DRC11: variants seen among roughly 807,000 people sequenced by gnomAD.
The protein encoded by DRC11 is IQ and AAA domain-containing protein 1.
the DRC11 span, among the ~76,000 whole-genome samples, chr2:236,466,309 T>C: frequency 6.6e-6 from 1 of 152,204 alleles, no homozygotes; most frequent in African/African-American, 2.4e-5. Context: ...TGTGTTCACT[T>C]TTCTTCCCAC....
At chr2:236,403,906 C>T in the DRC11 span, among the ~76,000 whole-genome samples, 2 of 152,060 alleles carry the variant, frequency 1.3e-5, no homozygotes, top group South Asian at 2.1e-4. Flanking sequence ...CCTCTTCCCC[C>T]GATGCCTTTT....
the DRC11 span, among the ~76,000 whole-genome samples, chr2:236,479,766 C>T: frequency 3.3e-5 from 5 of 152,168 alleles, no homozygotes; most frequent in Non-Finnish European, 7.3e-5. This position sits in a 1 kb window ranked among gnomAD's most constrained non-coding sequence, Gnocchi z 4.1. Context: ...GTGGATTACA[C>T]ACCACAATTA....
the DRC11 span, chr2:236,391,857 C>A: frequency 2.6e-6 from 2 of 767,666 alleles, no homozygotes; most frequent in Non-Finnish European, 4.5e-6. The surrounding 1 kb of genome is among the most constrained non-coding windows in gnomAD (Gnocchi z 4.5). Context: ...AGGCATGTTT[C>A]CCCGTGAGGT....
chr2:236,498,194 G>A, the DRC11 span, among the ~76,000 whole-genome samples: 1 of 151,732 alleles, frequency 6.6e-6, no homozygotes, highest in Non-Finnish European at 1.5e-5. Context: ...CAGGCCAGGC[G>A]TGGTGGCTCT....
chr2:236,315,668 T>C, the DRC11 span, among the ~76,000 whole-genome samples: 1 of 152,180 alleles, frequency 6.6e-6, no homozygotes, highest in Non-Finnish European at 1.5e-5. This position sits in a 1 kb window ranked among gnomAD's most constrained non-coding sequence, Gnocchi z 5.1. Context: ...GAATACCATG[T>C]AGCCATAAAA....
At chr2:236,350,975 G>A in the DRC11 span, among the ~76,000 whole-genome samples, 4 of 152,206 alleles carry the variant, frequency 2.6e-5, no homozygotes, top group African/African-American at 9.7e-5. This position sits in a 1 kb window ranked among gnomAD's most constrained non-coding sequence, Gnocchi z 5.2. Context: ...GAAAGGGACA[G>A]AGGCTGCTTC....
chr2:236,453,216 A>G, the DRC11 span, among the ~76,000 whole-genome samples: 7 of 152,240 alleles, frequency 4.6e-5, no homozygotes, highest in African/African-American at 1.4e-4. The surrounding 1 kb of genome is among the most constrained non-coding windows in gnomAD (Gnocchi z 4.9). Context: ...TCAGTCATTT[A>G]CATTTGAATT....
the DRC11 span, chr2:236,507,199 C>G: frequency 6.3e-7 from 1 of 1,581,440 alleles, no homozygotes; most frequent in Non-Finnish European, 8.7e-7. Flanking sequence ...AGAAAGCAAG[C>G]CACCTTCTGG....
the DRC11 span, among the ~76,000 whole-genome samples, chr2:236,348,984 A>T: frequency 6.6e-6 from 1 of 152,068 alleles, no homozygotes; most frequent in African/African-American, 2.4e-5. This position sits in a 1 kb window ranked among gnomAD's most constrained non-coding sequence, Gnocchi z 7.4. Context: ...CTGAAGCCTC[A>T]GAAGGCCACC....
At chr2:236,405,290 T>C in the DRC11 span, among the ~76,000 whole-genome samples, 1 of 151,908 alleles carries the variant, frequency 6.6e-6, no homozygotes, top group African/African-American at 2.4e-5. The surrounding 1 kb of genome is among the most constrained non-coding windows in gnomAD (Gnocchi z 4.6). Context: ...GAGAAGTGCG[T>C]TCTCACCTGC....
the DRC11 span, among the ~76,000 whole-genome samples, chr2:236,485,891 T>C: frequency 1.3e-5 from 2 of 152,288 alleles, no homozygotes; most frequent in South Asian, 4.1e-4. Context: ...CAGAAACATC[T>C]CTAGCAGCAG....
chr2:236,459,870 A>G, the DRC11 span, among the ~76,000 whole-genome samples: 2 of 151,932 alleles, frequency 1.3e-5, no homozygotes, highest in South Asian at 2.1e-4. Context: ...TTCATATACA[A>G]TAACGTAAGA....
the DRC11 span, among the ~76,000 whole-genome samples, chr2:236,496,989 G>A: frequency 0.045 from 6,815 of 152,176 alleles, 311 homozygotes; most frequent in East Asian, 0.13. The surrounding 1 kb of genome is among the most constrained non-coding windows in gnomAD (Gnocchi z 6.3). Context: ...AAGAAAGGGA[G>A]CCCAATCCTT....
chr2:236,494,717 C>T, the DRC11 span, among the ~76,000 whole-genome samples: 1 of 152,128 alleles, frequency 6.6e-6, no homozygotes, highest in Non-Finnish European at 1.5e-5. This position sits in a 1 kb window ranked among gnomAD's most constrained non-coding sequence, Gnocchi z 4.2. Context: ...TTTGGATAGG[C>T]CTTCCCCTAA....
chr2:236,391,816 A>G, the DRC11 span, among the ~76,000 whole-genome samples: 1 of 152,224 alleles, frequency 6.6e-6, no homozygotes, highest in Admixed American at 6.5e-5. The surrounding 1 kb of genome is among the most constrained non-coding windows in gnomAD (Gnocchi z 4.5). Flanking sequence ...CCCAAAGGTT[A>G]AATGGTGGAC....
the DRC11 span, chr2:236,338,403 T>A: frequency 2.2e-6 from 3 of 1,345,364 alleles, no homozygotes; most frequent in Admixed American, 1.9e-5. Flanking sequence ...GAAAAAAAAA[T>A]TGGTCCACAT....
At chr2:236,494,252 G>C in the DRC11 span, among the ~76,000 whole-genome samples, 1 of 152,162 alleles carries the variant, frequency 6.6e-6, no homozygotes, top group Admixed American at 6.5e-5. The surrounding 1 kb of genome is among the most constrained non-coding windows in gnomAD (Gnocchi z 4.2). Flanking sequence ...TTAAGCTGTA[G>C]AGATCTTTGA....
chr2:236,310,757 G>A, the DRC11 span, among the ~76,000 whole-genome samples: 1 of 152,204 alleles, frequency 6.6e-6, no homozygotes, highest in South Asian at 2.1e-4. This position sits in a 1 kb window ranked among gnomAD's most constrained non-coding sequence, Gnocchi z 5.5. Flanking sequence ...GTCACAGGAC[G>A]TGGGCATTGT....
chr2:236,320,258 T>C, the DRC11 span, among the ~76,000 whole-genome samples: 1 of 152,204 alleles, frequency 6.6e-6, no homozygotes, highest in East Asian at 1.9e-4. Flanking sequence ...CAGCCCACAG[T>C]CTTGGTCTGC....
Sources: allele counts gnomAD v4.1 joint callset (sites outside exome capture counted in the v4.1 genomes callset), GRCh38; gene constraint gnomAD v4.1.1; non-coding constraint Gnocchi (gnomAD v3.1); transcripts MANE v1.5; gene names NCBI Gene and HGNC (gene_info 2026-07-23, HGNC 2026-07-21).